Variants in NLGN1 observed in about 807,000 individuals in gnomAD.
NLGN1 encodes neuroligin 1.
In NLGN1, 12 loss-of-function variants were observed where a neutral mutation model predicts 65.5. The observed-to-expected ratio is 0.18, with a 90% CI of 0.12 to 0.30. The LOEUF (loss-of-function observed/expected upper bound fraction) is 0.30. NLGN1 is among the 10% of genes least tolerant of loss of function. NLGN1 has a pLI of 1.00. For missense variants in NLGN1, 750 were observed against 1,007.1 expected, an observed-to-expected ratio of 0.74 and a Z score of 3.46; for synonymous variants, 350 against 359.5, an observed-to-expected ratio of 0.97 and a Z score of 0.30.
chr3:174,242,148 A>ACC (rs1742997381), intron 4 of NLGN1, among the ~76,000 whole-genome samples: 1 of 152,132 alleles, frequency 6.6e-6, no homozygotes, highest in Non-Finnish European at 1.5e-5. Context: ...TAATGTGTTG[A>ACC]TAATAATACT....
At chr3:173,828,781 GA>G (rs1721878518) in intron 4 of NLGN1, among the ~76,000 whole-genome samples, 1 of 152,032 alleles carries the variant, frequency 6.6e-6, no homozygotes, top group Non-Finnish European at 1.5e-5. Flanking sequence ...CAGGCAGGGG[GA>G]AAAGTAAGAG....
At chr3:173,640,041 C>CT (rs1323836322) in intron 3 of NLGN1, among the ~76,000 whole-genome samples, 1 of 152,056 alleles carries the variant, frequency 6.6e-6, no homozygotes, top group Non-Finnish European at 1.5e-5. Context: ...TTGAAAAAAG[C>CT]TTTTAAAATC....
intron 4 of NLGN1, among the ~76,000 whole-genome samples, chr3:174,241,105 T>TA (rs780304563): frequency 1.4e-4 from 21 of 152,190 alleles, no homozygotes; most frequent in Non-Finnish European, 2.9e-4. Context: ...TTCAAGAGTT[T>TA]AAAATAGCTT....
intron 3 of NLGN1, among the ~76,000 whole-genome samples, chr3:173,653,068 C>T (rs1759466944): frequency 6.6e-6 from 1 of 152,078 alleles, no homozygotes. Flanking sequence ...AAAAATGCTA[C>T]TGATTTTTGT....
At chr3:174,021,442 C>T (rs539811167) in intron 4 of NLGN1, among the ~76,000 whole-genome samples, 211 of 152,036 alleles carry the variant, frequency 1.4e-3, no homozygotes, top group African/African-American at 4.9e-3. Context: ...GATGGTGTTA[C>T]TAGAAGAAAG....
At chr3:173,594,958 C>T (rs1255304587) in intron 2 of NLGN1, among the ~76,000 whole-genome samples, 4 of 152,178 alleles carry the variant, frequency 2.6e-5, no homozygotes, top group Non-Finnish European at 5.9e-5. Flanking sequence ...TTGCACACAG[C>T]ACAGGGACCC....
rs1470217656 is a variant in NLGN1 at position 173,585,753 on chromosome 3, C to G, written c.-320-18526C>G. 3.9e-5 allele frequency among the ~76,000 whole-genome samples: 6 copies of G among 152,248 alleles called. No individual in the cohort carries two copies. The South Asian group carries it at 1.2e-3, about 32-fold the overall frequency. ...GCTGCATTTCTGATGCATCCCTGCCCTGCCTGCCTCGCCACTTACTGGCTT... is the reference window on the plus strand; with the variant it reads ...GCTGCATTTCTGATGCATCCCTGCCGTGCCTGCCTCGCCACTTACTGGCTT... On this transcript the variant is annotated intron_variant, in intron 2 of 6. Coordinates refer to ENST00000457714, the Ensembl canonical transcript of NLGN1.
At chr3:174,122,912 G>A (rs1023652743) in intron 4 of NLGN1, among the ~76,000 whole-genome samples, 5 of 151,696 alleles carry the variant, frequency 3.3e-5, no homozygotes, top group African/African-American at 4.8e-5. Flanking sequence ...AAAATAAAAT[G>A]TAATAATAAA....
intron 4 of NLGN1, among the ~76,000 whole-genome samples, chr3:174,157,891 C>G (rs1480841522): frequency 6.6e-6 from 1 of 151,702 alleles, no homozygotes; most frequent in Non-Finnish European, 1.5e-5. Flanking sequence ...TTAGAACACT[C>G]ACTCCCACTA....
intron 4 of NLGN1, among the ~76,000 whole-genome samples, chr3:174,260,612 A>C: frequency 7.6e-6 from 1 of 130,746 alleles, no homozygotes. Flanking sequence ...TAGGTTGTGA[A>C]AATTTTCTCC....
intron 2 of NLGN1, among the ~76,000 whole-genome samples, chr3:173,590,164 T>C (rs888794318): frequency 6.6e-6 from 1 of 152,160 alleles, no homozygotes; most frequent in Non-Finnish European, 1.5e-5. Context: ...AATAGTTAAC[T>C]ATAGAGCTAA....
chr3:173,779,038 T>C (rs1056269014), intron 3 of NLGN1, among the ~76,000 whole-genome samples: 50 of 151,712 alleles, frequency 3.3e-4, no homozygotes, highest in African/African-American at 1.1e-3. Context: ...AAATATGAAA[T>C]ACTTTAAAGA....
chr3:173,890,060 C>T (rs1477784167), intron 4 of NLGN1, among the ~76,000 whole-genome samples: 1 of 151,826 alleles, frequency 6.6e-6, no homozygotes, highest in Non-Finnish European at 1.5e-5. Flanking sequence ...GCAGCATTTT[C>T]TGATGACCCA....
At chr3:173,695,791 A>G (rs1766126308) in intron 3 of NLGN1, among the ~76,000 whole-genome samples, 1 of 152,218 alleles carries the variant, frequency 6.6e-6, no homozygotes, top group African/African-American at 2.4e-5. Flanking sequence ...AGTGTGAAGA[A>G]TAATACTCAT....
At chr3:174,006,437 G>A (rs1444339763) in intron 4 of NLGN1, among the ~76,000 whole-genome samples, 1 of 151,988 alleles carries the variant, frequency 6.6e-6, no homozygotes, top group Non-Finnish European at 1.5e-5. Flanking sequence ...CTTTTTAACC[G>A]GGTCACCTGC....
chr3:174,074,543 G>C (rs1224167044), intron 4 of NLGN1, among the ~76,000 whole-genome samples: 1 of 152,138 alleles, frequency 6.6e-6, no homozygotes, highest in Non-Finnish European at 1.5e-5. Context: ...GGAATAAAAT[G>C]CAAGTCATAA....
intron 4 of NLGN1, among the ~76,000 whole-genome samples, chr3:173,866,663 G>A (rs1157659887): frequency 6.6e-6 from 1 of 152,112 alleles, no homozygotes; most frequent in East Asian, 1.9e-4. Flanking sequence ...TGATTTGTTG[G>A]TTTTATATAA....
chr3:173,961,551 T>C (rs954080639), intron 4 of NLGN1, among the ~76,000 whole-genome samples: 6 of 152,130 alleles, frequency 3.9e-5, no homozygotes, highest in African/African-American at 1.4e-4. Context: ...TAGTTCATTT[T>C]TGTAAACTAC....
intron 2 of NLGN1, among the ~76,000 whole-genome samples, chr3:173,437,199 C>T (rs1205334356): frequency 6.6e-6 from 1 of 152,204 alleles, no homozygotes; most frequent in Non-Finnish European, 1.5e-5. Flanking sequence ...AATAATTTGA[C>T]TGTTGCTTCC....
Sources: allele counts gnomAD v4.1 joint callset (sites outside exome capture counted in the v4.1 genomes callset), GRCh38; gene constraint gnomAD v4.1.1; transcripts MANE v1.5; gene names NCBI Gene and HGNC (gene_info 2026-07-23, HGNC 2026-07-21).